Variants in DYNC2I1 observed in about 807,000 individuals in gnomAD.
The protein encoded by DYNC2I1 is cytoplasmic dynein 2 intermediate chain 1.
In DYNC2I1, 89 loss-of-function variants were observed where a neutral mutation model predicts 133.4. The observed-to-expected ratio is 0.67, with a 90% CI of 0.56 to 0.80. DYNC2I1 has a LOEUF of 0.80. Ranked by LOEUF, DYNC2I1 falls within the 30% of genes least tolerant of loss-of-function variation. The pLI is 0.00. For synonymous variants in DYNC2I1, 504 were observed against 484.3 expected (o/e 1.04, Z -0.54); for missense variants, 1,291 against 1,314.5 (o/e 0.98, Z 0.28).
intron 1 of DYNC2I1, among the ~76,000 whole-genome samples, chr7:158,867,151 G>A (rs1355460648): frequency 6.6e-6 from 1 of 151,134 alleles, no homozygotes; most frequent in Non-Finnish European, 1.5e-5. Context: ...GATTGAGTTT[G>A]CTTAGCTGAG....
At chr7:158,927,989 C>T (rs1012987652) in intron 20 of DYNC2I1, among the ~76,000 whole-genome samples, 6 of 152,150 alleles carry the variant, frequency 3.9e-5, no homozygotes, top group Non-Finnish European at 2.9e-5. Flanking sequence ...TCTTTCAGTG[C>T]GCATTCATTT....
chr7:158,909,607 A>G (rs926248315), intron 11 of DYNC2I1, among the ~76,000 whole-genome samples: 2 of 152,194 alleles, frequency 1.3e-5, no homozygotes, highest in African/African-American at 4.8e-5. Context: ...AAACAAGGGT[A>G]AAAGTTGGAT....
chr7:158,910,884 T>G (rs1288344251), intron 11 of DYNC2I1, among the ~76,000 whole-genome samples: 1 of 135,300 alleles, frequency 7.4e-6, no homozygotes, highest in African/African-American at 2.9e-5. Context: ...GTCAGGCCTG[T>G]GAGCGAGGAG....
chr7:158,842,800 T>C, the DYNC2I1 span, among the ~76,000 whole-genome samples: 1 of 152,230 alleles, frequency 6.6e-6, no homozygotes, highest in Non-Finnish European at 1.5e-5. Flanking sequence ...AGTAGAAAGA[T>C]ATAAAACTGT....
intron 15 of DYNC2I1, among the ~76,000 whole-genome samples, chr7:158,922,051 G>T (rs569441083): frequency 6.6e-6 from 1 of 152,182 alleles, no homozygotes; most frequent in African/African-American, 2.4e-5. Flanking sequence ...GCAGCCAGGC[G>T]CACTGCATTA....
intron 3 of DYNC2I1, among the ~76,000 whole-genome samples, chr7:158,872,601 C>A (rs974574695): frequency 1.3e-5 from 2 of 152,124 alleles, no homozygotes; most frequent in East Asian, 3.9e-4. Context: ...TGCCACTGTA[C>A]TCCAGACAGA....
At position 158,930,276 on chromosome 7, in the gene DYNC2I1, A is replaced by T. The variant is rs567357439; in HGVS notation, c.2486-179A>T. ...ACTGTGAATTCTCGATTCTTCTCCT[A>T]AGGCAGGATACGTGAACCTCACCCA... On this transcript the variant is annotated intron_variant, in intron 20 of 24. Coordinates refer to ENST00000407559, the MANE Select transcript of DYNC2I1 (RefSeq NM_018051.5). Among the ~76,000 whole-genome samples the T allele has an allele frequency of 3.9e-4, 59 of 152,166 alleles. No homozygotes were observed. The highest frequency in any genetic ancestry group is 7.5e-4 in the Non-Finnish European group (51 of 68,036).
rs772693182 is a variant in DYNC2I1, at chr7:158,876,628, A to G, written c.510A>G (p.Glu170=). ...TTGTAGTAAGTAAAGTAAGAAGTGA[A>G]GAGAAAGATGAAGACTCTGAAAGAG... is the stretch of plus-strand genomic sequence containing the variant. ...KGRSVSKVRS[E]EKDEDSERGD... The change falls in exon 4 of 25, where the codon GAA becomes GAG. Residue 170 remains glutamate (E), a synonymous_variant. Coordinates refer to ENST00000407559, the MANE Select transcript of DYNC2I1 (RefSeq NM_018051.5). 2.5e-6 allele frequency: 4 copies of G among 1,580,708 alleles called. No individual in the cohort carries two copies. The East Asian group carries it at 6.8e-5, about 27-fold the overall frequency.
chr7:158,913,090 T>G lies in DYNC2I1; in HGVS notation c.1696T>G (p.Ser566Ala). The G allele has an allele frequency of 6.2e-7, 1 of 1,610,860 alleles. No individual in the cohort carries two copies. ...TQHPGESTVV[S>A]GGSEQRDTSD... ...GCACCCGGGAGAAAGTACTGTTGTA[T>G]CTGGAGGTAACATCTTGCTCTTGAG... The change falls in exon 13 of 25, where the codon TCT (serine) becomes GCT (alanine). Residue 566 changes from serine to alanine, a missense_variant. Transcript: ENST00000407559.
chr7:158,904,929 C>G, intron 10 of DYNC2I1: 1 of 281,834 alleles, frequency 3.5e-6, no homozygotes, highest in Non-Finnish European at 6.9e-6. Flanking sequence ...TTCATAAAAC[C>G]GTAAGACGGG....
chr7:158,924,761 CT>C (rs760992706), intron 17 of DYNC2I1, among the ~76,000 whole-genome samples: 64 of 147,830 alleles, frequency 4.3e-4, no homozygotes, highest in Non-Finnish European at 4.2e-4. Flanking sequence ...ATACATCCTT[CT>C]TTTTTTTTTT....
Position 158,946,073 on chromosome 7 carries a change from T to C in DYNC2I1, c.*294T>C, listed in dbSNP as rs1337372930. ...TATTTTTAGAACAGTTTAAATATTG[T>C]CACATTACTGCTAGATTTTAAACAG... On this transcript the variant is annotated 3_prime_UTR_variant, in exon 25 of 25. Coordinates refer to ENST00000407559, the MANE Select transcript of DYNC2I1 (RefSeq NM_018051.5). 1 of 236,798 alleles carries C rather than the reference T, an allele frequency of 4.2e-6. No individual in the cohort carries two copies. The highest frequency in any genetic ancestry group is 2.2e-5 in the African/African-American group (1 of 44,536). The allele number at this position is 236,798 out of a possible 1,614,324, so 14.7% of individuals were successfully genotyped here. A position where few individuals can be genotyped will look rare whatever the true frequency, so the allele number is the denominator to read the frequency against.
At position 158,863,847 on chromosome 7, in the gene DYNC2I1, CGGGTGTTGGA is replaced by C. The variant is rs541331917; in HGVS notation, c.16-5994_16-5985del. 1.2e-3 allele frequency among the ~76,000 whole-genome samples: 126 copies of C among 102,826 alleles called. 9 individuals are homozygous for C. The East Asian group carries it at 0.038, about 31-fold the overall frequency. 67.5% of individuals were successfully genotyped at this position (102,826 alleles called of 152,430 possible). Reference sequence around the variant, plus strand: ...GTGGGGAGCCGGACGTCCTTAGCTCCGGGTGTTGGAGGGTGTTGGAGGGGGGAGCGGGACG... The same window carrying C: ...GTGGGGAGCCGGACGTCCTTAGCTCCGGGTGTTGGAGGGGGGAGCGGGACG... On this transcript the variant is annotated intron_variant, in intron 1 of 24. Transcript: ENST00000407559.
chr7:158,852,799 A>G (rs1257208815), upstream of DYNC2I1, among the ~76,000 whole-genome samples: 1 of 152,262 alleles, frequency 6.6e-6, no homozygotes, highest in Admixed American at 6.5e-5. Flanking sequence ...AAAGGACAAT[A>G]AAAAGCATTG....
At chr7:158,864,730 T>G (rs1201853695) in intron 1 of DYNC2I1, among the ~76,000 whole-genome samples, 1 of 152,140 alleles carries the variant, frequency 6.6e-6, no homozygotes, top group African/African-American at 2.4e-5. Context: ...GGTCTTGAAC[T>G]CCTGGGCTCA....
At chr7:158,946,626 C>T (rs1332691698), downstream of DYNC2I1, among the ~76,000 whole-genome samples, 1 of 152,264 alleles carries the variant, frequency 6.6e-6, no homozygotes, top group Non-Finnish European at 1.5e-5. Flanking sequence ...AAGGGCCCTG[C>T]CCCTTAACAG....
At chr7:158,942,533 C>T (rs1251256202) in intron 24 of DYNC2I1, among the ~76,000 whole-genome samples, 1 of 152,078 alleles carries the variant, frequency 6.6e-6, no homozygotes, top group Admixed American at 6.6e-5. Flanking sequence ...TATATTTAGC[C>T]CAAGCTAGTC....
chr7:158,867,882 C>T (rs1842546081), intron 1 of DYNC2I1, among the ~76,000 whole-genome samples: 1 of 152,150 alleles, frequency 6.6e-6, no homozygotes, highest in Admixed American at 6.5e-5. Context: ...GGGCCTCCAC[C>T]CCGTCCTCCT....
rs969213739 is a variant in DYNC2I1, at chr7:158,856,669, C to T, written c.-67C>T. Reference sequence around the variant, plus strand: ...CCGAAGGGTGCGGGGCACAGGTGGCCTCTTCGGGGTGGACCGCGCCTGGCC... The same window carrying T: ...CCGAAGGGTGCGGGGCACAGGTGGCTTCTTCGGGGTGGACCGCGCCTGGCC... On this transcript the variant is annotated 5_prime_UTR_variant, in exon 1 of 25. Coordinates refer to ENST00000407559, the MANE Select transcript of DYNC2I1 (RefSeq NM_018051.5). 1.5e-5 allele frequency: 19 copies of T among 1,230,206 alleles called. No homozygotes were observed. Among genetic ancestry groups the T allele is most frequent in the Non-Finnish European group, 1.9e-5 (19 of 985,792 alleles). The allele number at this position is 1,230,206 out of a possible 1,614,324, so 76.2% of individuals were successfully genotyped here. A position where few individuals can be genotyped will look rare whatever the true frequency, so the allele number is the denominator to read the frequency against.
Sources: gnomAD v4.1 joint callset for allele counts (sites outside exome capture counted in the v4.1 genomes callset) on GRCh38, gnomAD v4.1.1 for gene constraint, MANE v1.5 for transcripts, NCBI Gene and HGNC (gene_info 2026-07-23, HGNC 2026-07-21) for gene names.